GANC: variants seen among roughly 807,000 people sequenced by gnomAD.
GANC encodes the protein neutral alpha-glucosidase C.
A neutral mutation model predicts 124.2 loss-of-function variants in GANC; 117 were observed. The ratio of observed to expected loss-of-function variants is 0.94; its 90% CI spans 0.81 to 1.10. The LOEUF (loss-of-function observed/expected upper bound fraction) is 1.10. GANC is among the 50% of genes least tolerant of loss of function. The pLI is 0.00. For missense variants in GANC, 1,140 were observed against 1,095.0 expected, an observed-to-expected ratio of 1.04 and a Z score of -0.58; for synonymous variants, 377 against 376.8, an observed-to-expected ratio of 1.00 and a Z score of -0.01.
chr15:42,331,416 A>G lies in GANC; in HGVS notation c.1741+744A>G, dbSNP rs561847667. Among the ~76,000 whole-genome samples, 29 of 152,340 alleles carry G rather than the reference A, an allele frequency of 1.9e-4. No homozygotes were observed. The East Asian group carries it at 5.2e-3, about 27-fold the overall frequency. On this transcript the variant is annotated intron_variant, in intron 15 of 23. Transcript: ENST00000318010. The stretch of plus-strand genomic sequence containing the variant: ...CTGGCTGTTGCGTGTGGTCAGGGTC[A>G]TCTATAACTGGATGCAGTTTACCAG...
chr15:42,274,462 G>A lies in GANC; in HGVS notation c.-20G>A, dbSNP rs374683109. ...CCCTTGTCCTGAGAGCTGGGAGCTG[G>A]TCGGAGTGACAGAGAAGCCATGGAA... On this transcript the variant is annotated 5_prime_UTR_variant, in exon 1 of 24. The change creates a premature stop within an existing upstream ORF in the 5' untranslated region. Transcript: ENST00000318010. The A allele has an allele frequency of 1.2e-6, 2 of 1,609,538 alleles. No homozygotes were observed. Among genetic ancestry groups the A allele is most frequent in the African/African-American group, 2.7e-5 (2 of 74,842 alleles).
chr15:42,352,682 A>G lies in GANC; in HGVS notation c.*543A>G. The G allele has an allele frequency of 1.0e-6, 1 of 986,032 alleles. No individual in the cohort carries two copies. The highest frequency in any genetic ancestry group is 1.2e-6 in the Non-Finnish European group (1 of 830,064). The allele number at this position is 986,032 out of a possible 1,614,324, so 61.1% of individuals were successfully genotyped here. A position where few individuals can be genotyped will look rare whatever the true frequency, so the allele number is the denominator to read the frequency against. ...CCGTGGGAGTTATTCTCCCCTAGAG[A>G]TCGACTTGGCAGCACGAAGGATTCT... On this transcript the variant is annotated 3_prime_UTR_variant, in exon 24 of 24. Transcript: ENST00000318010.
At chr15:42,323,088 A>G (rs1434825294) in intron 11 of GANC, among the ~76,000 whole-genome samples, 3 of 152,186 alleles carry the variant, frequency 2.0e-5, no homozygotes, top group African/African-American at 4.8e-5. Flanking sequence ...ACATTATTCC[A>G]TCCAGCGATG....
intron 10 of GANC, among the ~76,000 whole-genome samples, chr15:42,318,332 G>T (rs1250925532): frequency 2.0e-5 from 3 of 152,166 alleles, no homozygotes; most frequent in Non-Finnish European, 4.4e-5. Flanking sequence ...CTTCCTTGCA[G>T]GTATGAAACC....
At chr15:42,279,614 T>A (rs534405135) in intron 3 of GANC, among the ~76,000 whole-genome samples, 2 of 152,358 alleles carry the variant, frequency 1.3e-5, no homozygotes, top group Admixed American at 6.5e-5. Context: ...TGTGCACTAC[T>A]GCCTGATGCC....
At chr15:42,347,241 G>A (rs977027568) in intron 20 of GANC, among the ~76,000 whole-genome samples, 2 of 151,846 alleles carry the variant, frequency 1.3e-5, no homozygotes, top group East Asian at 3.9e-4. Flanking sequence ...GGAGATGGAA[G>A]TGCTTTACTT....
At chr15:42,344,433 T>C (rs2052348544) in intron 19 of GANC, among the ~76,000 whole-genome samples, 1 of 152,336 alleles carries the variant, frequency 6.6e-6, no homozygotes, top group East Asian at 1.9e-4. Flanking sequence ...ATAAGGACAC[T>C]TGTGGTCACA....
chr15:42,329,579 A>G (rs2052225528), intron 14 of GANC, 130 bp downstream of exon 14: 1 of 939,460 alleles, frequency 1.1e-6, no homozygotes, highest in Non-Finnish European at 1.5e-6. Context: ...GACAACTGCA[A>G]TGAGTCTTAG....
chr15:42,276,307 C>A, intron 1 of GANC, 41 bp from the exon 2 acceptor site: 1 of 958,716 alleles, frequency 1.0e-6, no homozygotes, highest in Non-Finnish European at 1.7e-6. Context: ...GATTCACAAG[C>A]CCTGTGTGAA....
chr15:42,294,010 C>T (rs999765818), intron 5 of GANC, among the ~76,000 whole-genome samples: 3 of 151,416 alleles, frequency 2.0e-5, no homozygotes, highest in Non-Finnish European at 1.5e-5. Flanking sequence ...GCGACTGTGG[C>T]ACTGCACTCC....
chr15:42,319,384 G>T (rs1320114794), intron 10 of GANC, among the ~76,000 whole-genome samples: 1 of 151,888 alleles, frequency 6.6e-6, no homozygotes, highest in African/African-American at 2.4e-5. Flanking sequence ...ACACTCTGTT[G>T]CCCAGGCTGG....
At chr15:42,351,045 T>C (rs974712466) in intron 22 of GANC, among the ~76,000 whole-genome samples, 4 of 151,200 alleles carry the variant, frequency 2.6e-5, no homozygotes, top group Non-Finnish European at 2.9e-5. Context: ...CTAATTTTTG[T>C]ATTTTTAGTA....
intron 8 of GANC, among the ~76,000 whole-genome samples, chr15:42,309,468 C>A (rs550288567): frequency 3.9e-4 from 59 of 152,004 alleles, no homozygotes; most frequent in Non-Finnish European, 1.0e-4. Flanking sequence ...TACAGGTATG[C>A]GCCACTACGC....
At chr15:42,313,903 G>A (rs545131197) in intron 10 of GANC, 35 of 600,042 alleles carry the variant, frequency 5.8e-5, no homozygotes, top group Admixed American at 1.5e-4. Context: ...AGTAAGCACT[G>A]TTCATGCTGC....
intron 20 of GANC, among the ~76,000 whole-genome samples, chr15:42,347,454 G>C (rs568828431): frequency 7.6e-4 from 116 of 152,284 alleles, no homozygotes; most frequent in African/African-American, 2.6e-3. Flanking sequence ...CATTCCAGAA[G>C]ACTCATAGTT....
chr15:42,273,662 C>G lies in GANC; in HGVS notation c.-820C>G. 2.0e-6 allele frequency: 1 copy of G among 504,510 alleles called. No homozygotes were observed. 31.3% of individuals were successfully genotyped at this position (504,510 alleles called of 1,614,324 possible). Reference sequence around the variant, plus strand: ...CATGCCAGCCTGGCCTGAGTCTTTTCTGTCTCCCAGCCGTTAAAGGTTTTA... The same window carrying G: ...CATGCCAGCCTGGCCTGAGTCTTTTGTGTCTCCCAGCCGTTAAAGGTTTTA... On this transcript the variant is annotated 5_prime_UTR_variant, in exon 1 of 24. Transcript: ENST00000318010.
chr15:42,351,897 TA>T, intron 23 of GANC, 132 bp from the exon 24 acceptor site: 1 of 1,133,136 alleles, frequency 8.8e-7, no homozygotes, highest in East Asian at 2.6e-5. Context: ...AGTTCATGGG[TA>T]AAAGTGCTAT....
In GANC at chr15:42,306,611, T is replaced by C. The variant is rs1477323896; in HGVS notation, c.624T>C (p.Asn208=). The C allele has an allele frequency of 3.8e-6, 6 of 1,599,802 alleles. No individual in the cohort carries two copies. The highest frequency in any genetic ancestry group is 1.1e-5 in the South Asian group (1 of 90,686). ...GAAAATTTGTGGATATCAAAGCTAA[T>C]GGTAAAATTGAAACTGGTATAGTAT... is the stretch of plus-strand genomic sequence containing the variant. The part of the protein sequence containing the change: ...KFGKFVDIKA[N]GPSSIGLDFS... The change falls in exon 7 of 24, where the codon AAT becomes AAC. Residue 208 remains asparagine, a splice_region_variant and synonymous_variant. Transcript: ENST00000318010.
Position 42,353,313 on chromosome 15 carries a change from C to A in GANC, c.*1174C>A, listed in dbSNP as rs2052475097. 14 of 986,264 alleles carry A rather than the reference C, an allele frequency of 1.4e-5. No homozygotes were observed. The highest frequency in any genetic ancestry group is 1.7e-5 in the Non-Finnish European group (14 of 830,226). 61.1% of individuals were successfully genotyped at this position (986,264 alleles called of 1,614,324 possible). ...AACGGCCACCTCTGTGCCTTCTGAT[C>A]CCTGGGCGCCAATATCCTCCTGCCC... On this transcript the variant is annotated 3_prime_UTR_variant, in exon 24 of 24. Coordinates refer to ENST00000318010, the MANE Select transcript of GANC (RefSeq NM_198141.3).
Sources: allele counts gnomAD v4.1 joint callset (sites outside exome capture counted in the v4.1 genomes callset), GRCh38; gene constraint gnomAD v4.1.1; transcripts MANE v1.5; gene names NCBI Gene and HGNC (gene_info 2026-07-23, HGNC 2026-07-21).